Variants in GPHN observed in about 807,000 individuals in gnomAD.
GPHN encodes the protein gephyrin.
GPHN carries 17 observed loss-of-function variants against 95.5 expected under a neutral mutation model. That is an observed-to-expected ratio of 0.18 (90% confidence interval 0.12 to 0.27). The LOEUF (loss-of-function observed/expected upper bound fraction) is 0.27. Ranked by LOEUF, GPHN falls within the 10% of genes least tolerant of loss-of-function variation. The pLI, the probability that GPHN is intolerant of heterozygous loss-of-function variation, is 1.00. For missense variants in GPHN, 660 were observed against 978.1 expected (o/e 0.67, Z 4.34); for synonymous variants, 320 against 322.5 (o/e 0.99, Z 0.08).
intron 1 of GPHN, among the ~76,000 whole-genome samples, chr14:66,650,128 C>T (rs577785577): frequency 2.6e-4 from 40 of 151,392 alleles, no homozygotes; most frequent in Non-Finnish European, 4.4e-4. Flanking sequence ...AAGAAAATAC[C>T]GAGAGTCTTA....
intron 1 of GPHN, among the ~76,000 whole-genome samples, chr14:66,575,728 G>T (rs1176578745): frequency 6.6e-6 from 1 of 152,136 alleles, no homozygotes; most frequent in African/African-American, 2.4e-5. Flanking sequence ...GTCTAATCAA[G>T]TGGGCCTGCT....
the GPHN span, among the ~76,000 whole-genome samples, chr14:67,221,562 G>A: frequency 7.2e-5 from 11 of 152,060 alleles, no homozygotes; most frequent in African/African-American, 2.2e-4. Flanking sequence ...AAACTTTTAC[G>A]GCTTTTACAG....
chr14:66,814,965 A>G (rs142276869), intron 3 of GPHN, among the ~76,000 whole-genome samples: 61 of 152,336 alleles, frequency 4.0e-4, no homozygotes, highest in African/African-American at 1.3e-3. Context: ...TGAAAAGAAC[A>G]TAACCAACAT....
intron 10 of GPHN, among the ~76,000 whole-genome samples, chr14:67,047,727 G>A (rs549275969): frequency 3.3e-5 from 5 of 152,170 alleles, no homozygotes; most frequent in Non-Finnish European, 7.4e-5. Context: ...GCTCACACCT[G>A]TAATCCTAAC....
At chr14:67,273,761 T>C in the GPHN span, among the ~76,000 whole-genome samples, 1 of 152,344 alleles carries the variant, frequency 6.6e-6, no homozygotes, top group East Asian at 1.9e-4. Flanking sequence ...TGTTCCTGTT[T>C]CTCCACATCC....
intron 18 of GPHN, among the ~76,000 whole-genome samples, chr14:67,144,286 T>TACATATATATATATATATATACAC (rs2080764080): frequency 1.4e-4 from 11 of 78,124 alleles, no homozygotes; most frequent in African/African-American, 6.4e-4. Context: ...TATATATATA[T>TACATATATATATATATATATACAC]ACACACACAC....
intron 17 of GPHN, among the ~76,000 whole-genome samples, chr14:67,127,810 T>C (rs1258812900): frequency 6.6e-6 from 1 of 152,230 alleles, no homozygotes; most frequent in Non-Finnish European, 1.5e-5. Flanking sequence ...AATTTGGAAC[T>C]ATAAGAAGAA....
intron 1 of GPHN, among the ~76,000 whole-genome samples, chr14:66,574,930 A>G (rs1185532150): frequency 6.6e-6 from 1 of 152,216 alleles, no homozygotes; most frequent in South Asian, 2.1e-4. Flanking sequence ...CTTAGGAGTC[A>G]GCCATGTTAC....
chr14:66,747,571 A>G (rs950641868), intron 2 of GPHN, among the ~76,000 whole-genome samples: 2 of 151,770 alleles, frequency 1.3e-5, no homozygotes, highest in Admixed American at 6.6e-5. Context: ...CCTTCTCAGG[A>G]CGGGTTAATA....
intron 5 of GPHN, among the ~76,000 whole-genome samples, chr14:66,909,480 A>G (rs2065561414): frequency 6.6e-6 from 1 of 152,066 alleles, no homozygotes; most frequent in African/African-American, 2.4e-5. Flanking sequence ...ATACATCAGG[A>G]TAAAGATGGA....
At chr14:66,846,287 A>AT (rs1567013555) in intron 4 of GPHN, among the ~76,000 whole-genome samples, 2 of 152,124 alleles carry the variant, frequency 1.3e-5, no homozygotes, top group African/African-American at 4.8e-5. Context: ...GTACCATTCT[A>AT]TATGTGTGAG....
At chr14:67,007,721 ACTTTCAGACATAACT>A (rs2072697660) in intron 9 of GPHN, among the ~76,000 whole-genome samples, 1 of 152,102 alleles carries the variant, frequency 6.6e-6, no homozygotes, top group African/African-American at 2.4e-5. Context: ...CAATTATCTA[ACTTTCAGACATAACT>A]GAACTCTATT....
the GPHN span, among the ~76,000 whole-genome samples, chr14:67,621,151 A>G: frequency 6.6e-6 from 1 of 152,166 alleles, no homozygotes; most frequent in Non-Finnish European, 1.5e-5. Context: ...TTCTTGCAAT[A>G]AAGAGTGTGT....
chr14:66,998,133 T>A (rs1371797550), intron 9 of GPHN, among the ~76,000 whole-genome samples: 2 of 152,212 alleles, frequency 1.3e-5, no homozygotes, highest in African/African-American at 4.8e-5. Flanking sequence ...AATGTGGAAC[T>A]GGCTTCTTGG....
chr14:67,343,327 G>A, the GPHN span: 1 of 1,436,106 alleles, frequency 7.0e-7, no homozygotes, highest in Non-Finnish European at 9.7e-7. Flanking sequence ...GACAAGTGGA[G>A]GGTATGGACA....
At chr14:66,685,662 A>T (rs8018740) in intron 2 of GPHN, among the ~76,000 whole-genome samples, 5 of 151,822 alleles carry the variant, frequency 3.3e-5, no homozygotes, top group South Asian at 2.1e-4. Context: ...TTGTCAGATG[A>T]GTAGATTGCA....
chr14:66,618,932 A>T (rs184239775), intron 1 of GPHN, among the ~76,000 whole-genome samples: 1 of 152,082 alleles, frequency 6.6e-6, no homozygotes, highest in Non-Finnish European at 1.5e-5. Context: ...GTTCTCCCTT[A>T]TCTCCATCTA....
At chr14:67,416,329 G>C in the GPHN span, among the ~76,000 whole-genome samples, 1 of 152,150 alleles carries the variant, frequency 6.6e-6, no homozygotes, top group African/African-American at 2.4e-5. Flanking sequence ...CTAGAGGGAC[G>C]TCCCCTGGAA....
chr14:66,655,129 T>C (rs2065238363), intron 1 of GPHN, among the ~76,000 whole-genome samples: 1 of 152,218 alleles, frequency 6.6e-6, no homozygotes, highest in Admixed American at 6.5e-5. Flanking sequence ...AGTTGTAGAA[T>C]AATATTGTCT....
Sources: gnomAD v4.1 joint callset for allele counts (sites outside exome capture counted in the v4.1 genomes callset) on GRCh38, gnomAD v4.1.1 for gene constraint, MANE v1.5 for transcripts, NCBI Gene and HGNC (gene_info 2026-07-23, HGNC 2026-07-21) for gene names.